The following CRY1 variants were observed in gnomAD, a reference collection of about 807,000 sequenced individuals.
The protein encoded by CRY1 is cryptochrome-1.
In CRY1, 45 loss-of-function variants were observed where a neutral mutation model predicts 76.0. That is an observed-to-expected ratio of 0.59 (90% CI 0.47 to 0.76). The LOEUF (loss-of-function observed/expected upper bound fraction) is 0.76, where lower values mean the gene tolerates loss of function less well. Ranked by LOEUF, CRY1 falls within the 30% of genes least tolerant of loss-of-function variation. The probability of loss-of-function intolerance (pLI) is 0.00; values close to 1 mark genes in which losing one functional copy is unlikely to be tolerated. For missense variants in CRY1, 587 were observed against 716.4 expected (o/e 0.82, Z 2.06); for synonymous variants, 248 against 244.0 (o/e 1.02, Z -0.15).
intron 2 of CRY1, among the ~76,000 whole-genome samples, chr12:107,009,565 T>A (rs368617481): frequency 0.6 from 58,740 of 98,620 alleles, 16,172 homozygotes; most frequent in East Asian, 0.78. Context: ...CAAAAAAACA[T>A]ATATATATAT....
chr12:107,051,075 T>C (rs1952913655), intron 1 of CRY1, among the ~76,000 whole-genome samples: 2 of 152,178 alleles, frequency 1.3e-5, no homozygotes, highest in South Asian at 2.1e-4. Context: ...AGTTTAAAAA[T>C]TTCAAACAAG....
At chr12:107,008,419 A>C (rs971235755) in intron 2 of CRY1, among the ~76,000 whole-genome samples, 1 of 152,200 alleles carries the variant, frequency 6.6e-6, no homozygotes, top group Non-Finnish European at 1.5e-5. Context: ...GTGGCAATAC[A>C]GAGGTAAATT....
At chr12:107,033,445 AAGAC>A (rs1313787829) in intron 1 of CRY1, among the ~76,000 whole-genome samples, 1 of 152,198 alleles carries the variant, frequency 6.6e-6, no homozygotes, top group African/African-American at 2.4e-5. Flanking sequence ...AAACCAGACA[AAGAC>A]AGTATAAAAG....
rs1254651211 is a variant in CRY1 at position 106,999,949 on chromosome 12, T to G, written c.818A>C (p.Tyr273Ser). 1 of 1,605,190 alleles carries G rather than the reference T, an allele frequency of 6.2e-7. No individual in the cohort carries two copies. Among genetic ancestry groups the G allele is most frequent in the East Asian group, 2.2e-5 (1 of 44,864 alleles). ...RLFYFKLTDL[Y>S]KKVKKNSSPP... Reference sequence around the variant, plus strand: ...TCTAATTTTAGAGAATACCTTTTTGTAGAGATCTGTTAGTTTGAAGTAAAA... The same window carrying G: ...TCTAATTTTAGAGAATACCTTTTTGGAGAGATCTGTTAGTTTGAAGTAAAA... The change falls in exon 6 of 13, where the codon TAC becomes TCC. Residue 273 changes from tyrosine (Y) to serine (S), a missense_variant. Coordinates refer to ENST00000008527, the MANE Select transcript of CRY1 (RefSeq NM_004075.5).
rs570715508 is a variant in CRY1 at position 107,058,377 on chromosome 12, T to G, written c.158+34427A>C. Reference sequence around the variant, plus strand: ...AGAGAACAAAAGTCCAAGATAAACCTCTTGGCAAGAGTAACAGAACACCAC... The same window carrying G: ...AGAGAACAAAAGTCCAAGATAAACCGCTTGGCAAGAGTAACAGAACACCAC... On this transcript the variant is annotated intron_variant, in intron 1 of 12. Coordinates refer to ENST00000008527, the MANE Select transcript of CRY1 (RefSeq NM_004075.5). Among the ~76,000 whole-genome samples the G allele has an allele frequency of 2.0e-5, 3 of 152,040 alleles. No homozygotes were observed. The East Asian group carries it at 5.8e-4, about 29-fold the overall frequency.
chr12:107,091,781 C>T (rs76021554), intron 1 of CRY1, among the ~76,000 whole-genome samples: 2,816 of 152,272 alleles, frequency 0.018, 38 homozygotes, highest in Non-Finnish European at 0.029. Context: ...AAGCATATTT[C>T]TGCCTTTTCC....
Position 107,001,293 on chromosome 12 carries a change from T to C in CRY1, c.671A>G (p.His224Arg). 6.2e-7 allele frequency: 1 copy of C among 1,613,378 alleles called. No individual in the cohort carries two copies. Among genetic ancestry groups the C allele is most frequent in the Non-Finnish European group, 8.5e-7 (1 of 1,179,426 alleles). The stretch of plus-strand genomic sequence containing the variant: ...ACATTATCATACTTTTCTTTCCAAA[T>C]GCCTTTCCAAACGAGTAAGTGCTTC... ...ETEALTRLERHLERKAWVANF... is the reference protein window; with the variant it reads ...ETEALTRLERRLERKAWVANF... The change falls in exon 5 of 13, where the codon CAT becomes CGT. Residue 224 changes from histidine to arginine, a missense_variant. By Grantham distance (29) the His-to-Arg change is conservative (BLOSUM62 0). Transcript: ENST00000008527.
intron 1 of CRY1, among the ~76,000 whole-genome samples, chr12:107,029,285 C>T (rs1952650891): frequency 6.6e-6 from 1 of 152,106 alleles, no homozygotes; most frequent in African/African-American, 2.4e-5. Context: ...ATTCCACTAG[C>T]ACCTTCCAAT....
intron 2 of CRY1, among the ~76,000 whole-genome samples, chr12:107,020,974 C>T (rs1425830039): frequency 6.6e-6 from 1 of 152,086 alleles, no homozygotes; most frequent in Non-Finnish European, 1.5e-5. Context: ...TTTTAAGATC[C>T]TACTAAGTTT....
chr12:107,003,216 TTTTAC>T (rs1443185767), intron 3 of CRY1, among the ~76,000 whole-genome samples: 1 of 152,198 alleles, frequency 6.6e-6, no homozygotes, highest in African/African-American at 2.4e-5. Flanking sequence ...TTAAGTATCT[TTTTAC>T]TTCTGATCAT....
chr12:107,055,668 G>A (rs1277483904), intron 1 of CRY1, among the ~76,000 whole-genome samples: 1 of 152,102 alleles, frequency 6.6e-6, no homozygotes. Context: ...ACCAACCTCT[G>A]ATGAAATGTA....
intron 1 of CRY1, among the ~76,000 whole-genome samples, chr12:107,061,656 A>G (rs1442104349): frequency 2.0e-5 from 3 of 152,180 alleles, no homozygotes; most frequent in Non-Finnish European, 4.4e-5. Context: ...TGCTAGGATC[A>G]CAGGCATGAG....
At chr12:107,021,740 A>G (rs1240745403) in intron 2 of CRY1, among the ~76,000 whole-genome samples, 3 of 152,216 alleles carry the variant, frequency 2.0e-5, no homozygotes, top group East Asian at 3.9e-4. Flanking sequence ...ATATATATAT[A>G]TACACACACA....
intron 10 of CRY1, 118 bp from the exon 11 acceptor site, chr12:106,993,154 G>A (rs1384739926): frequency 6.7e-6 from 6 of 901,960 alleles, no homozygotes; most frequent in Non-Finnish European, 1.0e-5. Flanking sequence ...ATGCTTTTAA[G>A]ACTAAATCTC....
At chr12:107,075,938 CAG>C (rs1379258643) in intron 1 of CRY1, among the ~76,000 whole-genome samples, 2 of 151,898 alleles carry the variant, frequency 1.3e-5, no homozygotes, top group Non-Finnish European at 2.9e-5. Context: ...TGGGTTTTTG[CAG>C]AACTAGGTGA....
intron 2 of CRY1, among the ~76,000 whole-genome samples, chr12:107,012,666 G>GA: frequency 6.6e-6 from 1 of 152,342 alleles, no homozygotes; most frequent in South Asian, 2.1e-4. Flanking sequence ...CACAGACAGT[G>GA]ATTCTTTTGA....
At chr12:107,067,671 A>G (rs931072556) in intron 1 of CRY1, among the ~76,000 whole-genome samples, 5 of 152,216 alleles carry the variant, frequency 3.3e-5, no homozygotes, top group African/African-American at 9.7e-5. Flanking sequence ...CTAGGAGTAA[A>G]TAACAGTCTA....
intron 1 of CRY1, among the ~76,000 whole-genome samples, chr12:107,084,003 A>C (rs1313877420): frequency 6.6e-6 from 1 of 152,206 alleles, no homozygotes; most frequent in Admixed American, 6.5e-5. Context: ...CGGGATACAA[A>C]ATCAATCAGC....
chr12:107,071,252 T>C (rs1953187904), intron 1 of CRY1, among the ~76,000 whole-genome samples: 1 of 152,188 alleles, frequency 6.6e-6, no homozygotes, highest in Non-Finnish European at 1.5e-5. Flanking sequence ...TTTGAGCTGA[T>C]TTGGTAGCCT....
Sources: gnomAD v4.1 joint callset for allele counts (sites outside exome capture counted in the v4.1 genomes callset) on GRCh38, gnomAD v4.1.1 for gene constraint, MANE v1.5 for transcripts, NCBI Gene and HGNC (gene_info 2026-07-23, HGNC 2026-07-21) for gene names.